Variants in ATG7 observed in about 807,000 individuals in gnomAD.
ATG7 encodes the protein autophagy related 7.
A neutral mutation model predicts 82.4 loss-of-function variants in ATG7; 70 were observed. The observed-to-expected ratio is 0.85, with a 90% CI of 0.70 to 1.04. The LOEUF (loss-of-function observed/expected upper bound fraction) is 1.04, where lower values mean the gene tolerates loss of function less well. ATG7 is among the 50% of genes least tolerant of loss of function. ATG7 has a pLI of 0.00. For missense variants in ATG7, 792 were observed against 864.3 expected (o/e 0.92, Z 1.05); for synonymous variants, 287 against 313.0 (o/e 0.92, Z 0.88).
rs1339921190 is a variant in ATG7, at chr3:11,298,706, C to A, written c.11C>A (p.Ala4Asp). The change falls in exon 4 of 21, where the codon GCT (alanine) becomes GAT (aspartate). Residue 4 changes from alanine to aspartate, a missense_variant. Transcript: ENST00000693202. ...AATAGGCAAGAAATAATGGCGGCAG[C>A]TACGGGGGATCCTGGACTCTCTAAA... MAA[A>D]TGDPGLSKLQ... The A allele has an allele frequency of 6.2e-7, 1 of 1,613,856 alleles. No homozygotes were observed. Among genetic ancestry groups the A allele is most frequent in the Admixed American group, 1.7e-5 (1 of 59,944 alleles).
intron 5 of ATG7, among the ~76,000 whole-genome samples, chr3:11,305,319 T>C (rs1559359643): frequency 1.3e-5 from 2 of 152,252 alleles, no homozygotes; most frequent in Non-Finnish European, 2.9e-5. Context: ...AGCCTAGCCA[T>C]CTTGCAGTTG....
rs150258952 is a variant in ATG7 at position 11,313,400 on chromosome 3, C to G, written c.508C>G (p.Gln170Glu). Residue 170 changes from glutamine to glutamate, a missense_variant, in exon 8 of 21, where the codon CAA becomes GAA. By Grantham distance (29) the Gln-to-Glu change is conservative. Transcript: ENST00000693202. Reference sequence around the variant, plus strand: ...CATTCAGGGGCCAGTGGGTTTGGATCAAAGGTTTTCACTAAAACAGGTATC... The same window carrying G: ...CATTCAGGGGCCAGTGGGTTTGGATGAAAGGTTTTCACTAAAACAGGTATC... ...PLIQGPVGLD[Q>E]RFSLKQIEAL... The G allele has an allele frequency of 2.5e-4, 407 of 1,610,440 alleles. No homozygotes were observed. The highest frequency in any genetic ancestry group is 3.4e-4 in the Non-Finnish European group (395 of 1,177,924).
At chr3:11,494,680 A>G (rs758028056) in intron 20 of ATG7, among the ~76,000 whole-genome samples, 23 of 152,192 alleles carry the variant, frequency 1.5e-4, no homozygotes, top group Non-Finnish European at 2.6e-4. Context: ...GAACACAGAT[A>G]TGGAGGACTC....
chr3:11,342,061 A>G, intron 12 of ATG7, 74 bp from the exon 13 acceptor site: 1 of 1,441,710 alleles, frequency 6.9e-7, no homozygotes, highest in Non-Finnish European at 9.3e-7. Flanking sequence ...TTTCTTGCAT[A>G]GCCACTTGAA....
chr3:11,302,508 T>C lies in ATG7; in HGVS notation c.215+3092T>C, dbSNP rs149427034. On this transcript the variant is annotated intron_variant, in intron 5 of 20. Transcript: ENST00000693202. ...AATATCTACAATGTGCAGATGTGTG[T>C]GTGTTAGGAATACAAAGACTTATGA... is the stretch of plus-strand genomic sequence containing the variant. 7.8e-4 allele frequency among the ~76,000 whole-genome samples: 119 copies of C among 152,346 alleles called. No homozygotes were observed. The East Asian group carries it at 0.022, about 28-fold the overall frequency.
chr3:11,436,471 A>G (rs1323644461), intron 20 of ATG7, among the ~76,000 whole-genome samples: 1 of 152,214 alleles, frequency 6.6e-6, no homozygotes, highest in Non-Finnish European at 1.5e-5. Flanking sequence ...CCCTAGATAT[A>G]TACCCAAGGC....
chr3:11,444,549 G>T (rs1467792891), intron 20 of ATG7, among the ~76,000 whole-genome samples: 2 of 152,050 alleles, frequency 1.3e-5, no homozygotes, highest in Non-Finnish European at 2.9e-5. Flanking sequence ...GAATTGTTGG[G>T]TCGTAGAAAA....
intron 18 of ATG7, among the ~76,000 whole-genome samples, chr3:11,373,705 A>C (rs73127248): frequency 0.026 from 4,017 of 152,282 alleles, 196 homozygotes; most frequent in African/African-American, 0.092. Context: ...GCCTCTCTCA[A>C]TAGGTATGTG....
At chr3:11,494,931 G>T (rs2090693819) in intron 20 of ATG7, among the ~76,000 whole-genome samples, 1 of 152,152 alleles carries the variant, frequency 6.6e-6, no homozygotes, top group Non-Finnish European at 1.5e-5. Context: ...AATTAGCTGG[G>T]CATGGTGGTG....
chr3:11,416,392 A>G (rs750293985), intron 19 of ATG7, among the ~76,000 whole-genome samples: 1 of 152,152 alleles, frequency 6.6e-6, no homozygotes, highest in Non-Finnish European at 1.5e-5. Context: ...TTATAGAAAT[A>G]GGCCTGTTTA....
At chr3:11,452,408 A>G (rs937816383) in intron 20 of ATG7, among the ~76,000 whole-genome samples, 1 of 150,078 alleles carries the variant, frequency 6.7e-6, no homozygotes, top group Non-Finnish European at 1.5e-5. Flanking sequence ...AAAAAAAAAA[A>G]GGAAATGTTC....
At chr3:11,426,111 C>G (rs576872911) in intron 19 of ATG7, among the ~76,000 whole-genome samples, 57 of 152,156 alleles carry the variant, frequency 3.7e-4, no homozygotes, top group Non-Finnish European at 7.2e-4. Flanking sequence ...CATATGTACA[C>G]ATTTTTGTTG....
chr3:11,575,596 C>T, the ATG7 span, among the ~76,000 whole-genome samples: 1 of 152,220 alleles, frequency 6.6e-6, no homozygotes, highest in African/African-American at 2.4e-5. Flanking sequence ...ACAGTGTGCA[C>T]TTACCCAGCG....
chr3:11,417,805 A>ATTATTTTTTTTTTTTTTTTT (rs1559578331), intron 19 of ATG7, among the ~76,000 whole-genome samples: 2 of 52,742 alleles, frequency 3.8e-5, no homozygotes, highest in African/African-American at 6.5e-5. Flanking sequence ...TTATTATTTT[A>ATTATTTTTTTTTTTTTTTTT]TTTTATTTTA....
At chr3:11,496,316 T>C (rs2090830934) in intron 20 of ATG7, among the ~76,000 whole-genome samples, 1 of 152,226 alleles carries the variant, frequency 6.6e-6, no homozygotes, top group Non-Finnish European at 1.5e-5. Context: ...TTCGCTGACC[T>C]GTAAGGAGCA....
At position 11,303,720 on chromosome 3, in the gene ATG7, G is replaced by A. The variant is rs367937207; in HGVS notation, c.216-3223G>A. 2.7e-3 allele frequency among the ~76,000 whole-genome samples: 412 copies of A among 151,062 alleles called. 3 individuals are homozygous for A. Among genetic ancestry groups the A allele is most frequent in the African/African-American group, 9.5e-3 (389 of 41,114 alleles). On this transcript the variant is annotated intron_variant, in intron 5 of 20. Coordinates refer to ENST00000693202, the MANE Select transcript of ATG7 (RefSeq NM_001349232.2). ...TCTGGGCCTCAAATGATCAACATTT[G>A]AATGAAGAACATTTCTGTGGGTTTC...
chr3:11,521,834 G>A (rs1039947086), intron 20 of ATG7, among the ~76,000 whole-genome samples: 4 of 152,018 alleles, frequency 2.6e-5, no homozygotes, highest in African/African-American at 9.7e-5. Flanking sequence ...TTACAGGTGT[G>A]AGCCACCACG....
chr3:11,351,506 G>A (rs1447882467), intron 14 of ATG7, among the ~76,000 whole-genome samples: 2 of 152,204 alleles, frequency 1.3e-5, no homozygotes, highest in Non-Finnish European at 2.9e-5. Context: ...CAAAGAAGAT[G>A]AGGAGGAAGA....
At chr3:11,311,080 C>T (rs1948592513) in intron 7 of ATG7, among the ~76,000 whole-genome samples, 1 of 152,146 alleles carries the variant, frequency 6.6e-6, no homozygotes, top group Non-Finnish European at 1.5e-5. Flanking sequence ...TTAGCTCTTA[C>T]TTAAAGTTTT....
Sources: gnomAD v4.1 joint callset for allele counts (sites outside exome capture counted in the v4.1 genomes callset) on GRCh38, gnomAD v4.1.1 for gene constraint, MANE v1.5 for transcripts, NCBI Gene and HGNC (gene_info 2026-07-23, HGNC 2026-07-21) for gene names.